The following SLC43A2 variants were observed in gnomAD, a reference collection of about 807,000 sequenced individuals.
SLC43A2 encodes solute carrier family 43 member 2, also known as large neutral amino acids transporter small subunit 4.
Under a neutral mutation model 63.2 loss-of-function variants are expected in SLC43A2, and 38 were observed. The observed-to-expected ratio is 0.60, with a 90% CI of 0.46 to 0.79. The LOEUF (loss-of-function observed/expected upper bound fraction) is 0.79. Among genes scored for constraint, SLC43A2 ranks in the 30% least tolerant of loss-of-function variants. SLC43A2 has a pLI of 0.00. For missense variants in SLC43A2, 644 were observed against 756.2 expected (o/e 0.85, Z 1.74); for synonymous variants, 322 against 331.0 (o/e 0.97, Z 0.30).
At chr17:1,602,227 G>A (rs1906120146) in intron 5 of SLC43A2, among the ~76,000 whole-genome samples, 1 of 152,074 alleles carries the variant, frequency 6.6e-6, no homozygotes, top group Non-Finnish European at 1.5e-5. Context: ...GGCTGGTCTT[G>A]AACTCCTGGA....
intron 5 of SLC43A2, among the ~76,000 whole-genome samples, chr17:1,600,877 CTG>C (rs948372771): frequency 5.3e-5 from 8 of 150,272 alleles, no homozygotes; most frequent in Non-Finnish European, 8.9e-5. Flanking sequence ...TTTTTCCACA[CTG>C]TTCCTCTGAG....
Position 1,583,559 on chromosome 17 carries a change from A to G in SLC43A2, c.1218-223T>C. 1 of 642,148 alleles carries G rather than the reference A, an allele frequency of 1.6e-6. No individual in the cohort carries two copies. The highest frequency in any genetic ancestry group is 1.8e-5 in the African/African-American group (1 of 54,970). 39.8% of individuals were successfully genotyped at this position (642,148 alleles called of 1,614,324 possible). On this transcript the variant is annotated intron_variant, in intron 10 of 13. Coordinates refer to ENST00000301335, the MANE Select transcript of SLC43A2 (RefSeq NM_152346.3). This position sits in a 1 kb window ranked among gnomAD's most constrained non-coding sequence, Gnocchi z 5.5. ...GTGACTCTCGGAGGGGGTCTCGGGTACAAGAAGATGGCCATCCATATGCTG... is the reference window on the plus strand; with the variant it reads ...GTGACTCTCGGAGGGGGTCTCGGGTGCAAGAAGATGGCCATCCATATGCTG...
rs2076059757 is a variant in SLC43A2 at position 1,583,952 on chromosome 17, G to A, written c.1218-616C>T. The stretch of plus-strand genomic sequence containing the variant: ...GCTCTGTCACCCGGGCTGGAGTGCA[G>A]TGGTGTGATCTCGGCTCATTGCCAC... On this transcript the variant is annotated intron_variant, in intron 10 of 13. Transcript: ENST00000301335. The surrounding 1 kb of genome is among the most constrained non-coding windows in gnomAD (Gnocchi z 5.5). Among the ~76,000 whole-genome samples, 2 of 152,048 alleles carry A rather than the reference G, an allele frequency of 1.3e-5. No individual in the cohort carries two copies. Among genetic ancestry groups the A allele is most frequent in the Admixed American group, 1.3e-4 (2 of 15,260 alleles).
At chr17:1,590,584 T>A (rs1904655386) in intron 9 of SLC43A2, among the ~76,000 whole-genome samples, 1 of 152,118 alleles carries the variant, frequency 6.6e-6, no homozygotes, top group Non-Finnish European at 1.5e-5. Context: ...GCTATTTTGG[T>A]CCTTCCCTCC....
chr17:1,575,609 C>T lies in SLC43A2; in HGVS notation c.1705G>A (p.Val569Met), dbSNP rs760292217. 1.8e-5 allele frequency: 29 copies of T among 1,613,876 alleles called. No homozygotes were observed. The highest frequency in any genetic ancestry group is 1.1e-4 in the African/African-American group (8 of 74,910). ...INGSSNQEAF[V>M] ...CAGTTCCGAGGCGGCAGCCACTACA[C>T]GAAGGCCTCCTGGTTGGACGAGCCG... is the stretch of plus-strand genomic sequence containing the variant. Residue 569 changes from valine (V) to methionine (M), a missense_variant, in exon 14 of 14, where the codon GTG becomes ATG. Physicochemically the swap from Val to Met is conservative, Grantham distance 21. Around this residue, in one of 3 missense-constraint regions of SLC43A2, gnomAD observed 105 missense variants for 101.7 expected, o/e 1.03. Coordinates refer to ENST00000301335, the MANE Select transcript of SLC43A2 (RefSeq NM_152346.3).
chr17:1,578,219 C>T lies in SLC43A2; in HGVS notation c.1424+31G>A, dbSNP rs781069241. The T allele has an allele frequency of 4.4e-6, 7 of 1,608,804 alleles. No individual in the cohort carries two copies. In the East Asian group the frequency reaches 1.1e-4, roughly 26 times the overall value. On this transcript the variant is annotated intron_variant, in intron 12 of 13. Coordinates refer to ENST00000301335, the MANE Select transcript of SLC43A2 (RefSeq NM_152346.3). This position sits in a 1 kb window ranked among gnomAD's most constrained non-coding sequence, Gnocchi z 6.5. ...CCCCGGCCATTCCCACACCCTCGCC[C>T]ACCAGGCCACCTGCGGCTTCCAGGA...
rs201346986 is a variant in SLC43A2, at chr17:1,583,904, GT to G, written c.1218-569del. The stretch of plus-strand genomic sequence containing the variant: ...TTTGTTTTGTTTTTTTGTTCTTTGG[GT>G]TTTTTTTTGAGATGGAGTCTCGCTC... On this transcript the variant is annotated intron_variant, in intron 10 of 13. Coordinates refer to ENST00000301335, the MANE Select transcript of SLC43A2 (RefSeq NM_152346.3). This position sits in a 1 kb window ranked among gnomAD's most constrained non-coding sequence, Gnocchi z 5.5. Among the ~76,000 whole-genome samples, 10 of 150,916 alleles carry G rather than the reference GT, an allele frequency of 6.6e-5. No homozygotes were observed. The South Asian group carries it at 1.3e-3, about 19-fold the overall frequency.
At chr17:1,594,179 C>G (rs1017037499) in intron 5 of SLC43A2, among the ~76,000 whole-genome samples, 1 of 152,164 alleles carries the variant, frequency 6.6e-6, no homozygotes, top group Non-Finnish European at 1.5e-5. Flanking sequence ...ACAGGATGTT[C>G]GGCCCGAGCA....
At position 1,627,696 on chromosome 17, in the gene SLC43A2, C is replaced by T. The variant is rs533208838; in HGVS notation, c.160+19G>A. The T allele has an allele frequency of 8.9e-7, 1 of 1,126,516 alleles. No homozygotes were observed. Among genetic ancestry groups the T allele is most frequent in the African/African-American group, 2.2e-5 (1 of 45,564 alleles). The allele number at this position is 1,126,516 out of a possible 1,614,324, so 69.8% of individuals were successfully genotyped here. ...CCCCAGCTCCAGGAGCCCCCCGCAA[C>T]CCCAGGCGCTTGTCTCACCTGGCTC... On this transcript the variant is annotated intron_variant, in intron 2 of 13. Transcript: ENST00000301335.
intron 5 of SLC43A2, among the ~76,000 whole-genome samples, chr17:1,598,646 A>G (rs900313262): frequency 6.6e-6 from 1 of 152,180 alleles, no homozygotes; most frequent in South Asian, 2.1e-4. Flanking sequence ...TACCTTTTTA[A>G]TCTCAAGCCT....
intron 9 of SLC43A2, among the ~76,000 whole-genome samples, chr17:1,590,070 A>G (rs1904602295): frequency 1.3e-5 from 2 of 152,154 alleles, no homozygotes; most frequent in Admixed American, 6.6e-5. Context: ...AAACAAGGAA[A>G]CCATCGGAAA....
chr17:1,586,927 A>AGGGCCC, intron 9 of SLC43A2: 2 of 1,355,944 alleles, frequency 1.5e-6, no homozygotes, highest in Non-Finnish European at 2.0e-6. Flanking sequence ...TTCCCTGACA[A>AGGGCCC]TCCCCCCCAC....
chr17:1,609,723 T>C (rs1290305793), intron 5 of SLC43A2, among the ~76,000 whole-genome samples: 1 of 151,056 alleles, frequency 6.6e-6, no homozygotes. Context: ...AAGAATAATA[T>C]ACAGAACTGC....
At position 1,575,744 on chromosome 17, in the gene SLC43A2, G is replaced by A. The variant is rs1316259119; in HGVS notation, c.1570C>T (p.Leu524Phe). ...GGGAGGCAGAAGCCCAGCAGGCTGA[G>A]AAGGAGCAGCCCCACGTTCACCTGG... ...PLWVNVGLLL[L>F]SLLGFCLPLY... The change falls in exon 14 of 14, where the codon CTC (leucine) becomes TTC (phenylalanine). Residue 524 changes from leucine to phenylalanine, a missense_variant. Physicochemically the swap from Leu to Phe is conservative, Grantham distance 22. Around this residue, in one of 3 missense-constraint regions of SLC43A2, gnomAD observed 105 missense variants for 101.7 expected, o/e 1.03. Coordinates refer to ENST00000301335, the MANE Select transcript of SLC43A2 (RefSeq NM_152346.3). 1 of 1,612,650 alleles carries A rather than the reference G, an allele frequency of 6.2e-7. No homozygotes were observed. Among genetic ancestry groups the A allele is most frequent in the South Asian group, 1.1e-5 (1 of 91,006 alleles).
rs1395386447 is a variant in SLC43A2, at chr17:1,610,077, T to C, written c.501+3118A>G. Among the ~76,000 whole-genome samples the C allele has an allele frequency of 2.0e-5, 3 of 150,756 alleles. No individual in the cohort carries two copies. The East Asian group carries it at 5.9e-4, about 30-fold the overall frequency. ...GGCGTGTGCCACCATGCCCGAGTAA[T>C]ATTTTTGTATTTTTAGTAGAGATGG... is the stretch of plus-strand genomic sequence containing the variant. On this transcript the variant is annotated intron_variant, in intron 5 of 13. Coordinates refer to ENST00000301335, the MANE Select transcript of SLC43A2 (RefSeq NM_152346.3).
At chr17:1,629,663 G>A (rs1482909259), upstream of SLC43A2, among the ~76,000 whole-genome samples, 1 of 152,204 alleles carries the variant, frequency 6.6e-6, no homozygotes, top group Non-Finnish European at 1.5e-5. Context: ...ACCCTTGATC[G>A]TCATCTGGGT....
intron 10 of SLC43A2, chr17:1,585,335 G>A (rs1211808899): frequency 1.8e-5 from 13 of 709,928 alleles, no homozygotes; most frequent in East Asian, 9.1e-5. Context: ...TCCACCTCCC[G>A]GGTTCAAGCA....
In SLC43A2 at chr17:1,605,192, C is replaced by G; in HGVS notation, c.501+8003G>C. 1 of 1,151,538 alleles carries G rather than the reference C, an allele frequency of 8.7e-7. No homozygotes were observed. 71.3% of individuals were successfully genotyped at this position (1,151,538 alleles called of 1,614,324 possible). On this transcript the variant is annotated intron_variant, in intron 5 of 13. Transcript: ENST00000301335. This position sits in a 1 kb window ranked among gnomAD's most constrained non-coding sequence, Gnocchi z 4.9. ...CCTGCCAGCCCGGGCTGTTCACTCA[C>G]TGCCTCCACGCAGCCTCAGTCACAC...
chr17:1,616,610 C>A lies in SLC43A2; in HGVS notation c.320G>T (p.Gly107Val). The A allele has an allele frequency of 6.2e-7, 1 of 1,614,110 alleles. No homozygotes were observed. Among genetic ancestry groups the A allele is most frequent in the Non-Finnish European group, 8.5e-7 (1 of 1,179,988 alleles). The part of the protein sequence containing the change: ...FLLSAITLPL[G>V]IVMDKYGPRK... Reference sequence around the variant, plus strand: ...CGGGCCATACTTGTCCATGACGATACCCAGGGGCAGGGTGATGGCACTGAG... The same window carrying A: ...CGGGCCATACTTGTCCATGACGATAACCAGGGGCAGGGTGATGGCACTGAG... The change falls in exon 3 of 14, where the codon GGT (glycine) becomes GTT (valine). Residue 107 changes from glycine to valine, a missense_variant. Transcript: ENST00000301335.
Sources: gnomAD v4.1 joint callset for allele counts (sites outside exome capture counted in the v4.1 genomes callset) on GRCh38, gnomAD v4.1.1 for gene constraint, gnomAD v4.1.1 regional missense constraint, Gnocchi (gnomAD v3.1) non-coding constraint, MANE v1.5 for transcripts, NCBI Gene and HGNC (gene_info 2026-07-23, HGNC 2026-07-21) for gene names.